The following MADD variants were observed in gnomAD, a reference collection of about 807,000 sequenced individuals.
MADD encodes the protein MAP kinase-activating death domain protein.
Under a neutral mutation model 176.7 loss-of-function variants are expected in MADD, and 109 were observed. The ratio of observed to expected loss-of-function variants is 0.62; its 90% CI spans 0.53 to 0.72. The LOEUF is 0.72. Ranked by LOEUF, MADD falls within the 30% of genes least tolerant of loss-of-function variation. The pLI is 0.00. For synonymous variants in MADD, 771 were observed against 771.3 expected (o/e 1.00, Z 0.01); for missense variants, 1,914 against 2,045.5 (o/e 0.94, Z 1.24).
chr11:47,323,830 A>G (rs763089388), exon 28 of MADD: 1 of 1,613,996 alleles, frequency 6.2e-7, no homozygotes, highest in South Asian at 1.1e-5. Flanking sequence ...GTTCTATACT[A>G]AAAAGGTACG....
chr11:47,317,649 C>T (rs1241363867), intron 27 of MADD, among the ~76,000 whole-genome samples: 2 of 152,194 alleles, frequency 1.3e-5, no homozygotes, highest in Non-Finnish European at 1.5e-5. Flanking sequence ...ATGGTTGTCC[C>T]TCTCTTACAC....
intron 31 of MADD, chr11:47,328,160 C>T: frequency 2.0e-6 from 2 of 1,020,576 alleles, no homozygotes; most frequent in Non-Finnish European, 2.4e-6. Context: ...GCCTCAAGAC[C>T]CTCTGTGTAG....
At chr11:47,272,705 AAAGCTTTTCC>A (rs2045828003) in intron 1 of MADD, among the ~76,000 whole-genome samples, 2 of 152,236 alleles carry the variant, frequency 1.3e-5, no homozygotes, top group Non-Finnish European at 2.9e-5. Context: ...TAAGACCATG[AAAGCTTTTCC>A]TAATTTTAGG....
intron 22 of MADD, among the ~76,000 whole-genome samples, chr11:47,302,288 A>G (rs1593834580): frequency 6.6e-6 from 1 of 152,062 alleles, no homozygotes; most frequent in Non-Finnish European, 1.5e-5. Flanking sequence ...ATCTCCGCTC[A>G]CTGCAACCTC....
exon 3 of MADD, chr11:47,274,574 G>A: frequency 6.2e-7 from 1 of 1,611,066 alleles, no homozygotes. Flanking sequence ...CACCCGAGCA[G>A]TGATAGCGTG....
intron 22 of MADD, among the ~76,000 whole-genome samples, chr11:47,306,666 C>T (rs1160163906): frequency 6.6e-6 from 1 of 151,992 alleles, no homozygotes; most frequent in Non-Finnish European, 1.5e-5. Flanking sequence ...CTGATATTGC[C>T]ATCTGTTCTC....
chr11:47,315,506 G>T (rs546064373), intron 27 of MADD, among the ~76,000 whole-genome samples, 179 bp downstream of exon 30: 1 of 152,064 alleles, frequency 6.6e-6, no homozygotes, highest in South Asian at 2.1e-4. Context: ...ATAGTGTCTC[G>T]CTCTGTCACC....
At chr11:47,314,047 C>T (rs184405289) in intron 26 of MADD, among the ~76,000 whole-genome samples, 32 of 151,958 alleles carry the variant, frequency 2.1e-4, no homozygotes, top group South Asian at 1.5e-3. Context: ...TGTGAGCCAC[C>T]GCGCCCAGCC....
chr11:47,284,555 G>A (rs2059283813), exon 12 of MADD: 6 of 1,613,768 alleles, frequency 3.7e-6, no homozygotes, highest in Non-Finnish European at 5.1e-6. Context: ...GTCATCCACG[G>A]AGCCAACTCT....
rs953278116 is a variant in MADD at position 47,324,297 on chromosome 11, C to G, written c.4395C>G (p.Ser1465Arg). 2.5e-6 allele frequency: 4 copies of G among 1,614,108 alleles called. No homozygotes were observed. The African/African-American group carries it at 4.0e-5, about 16-fold the overall frequency. Residue 1465 changes from serine (S) to arginine (R), a missense_variant, in exon 29 of 33, where the codon AGC becomes AGG. By Grantham distance (110) the Ser-to-Arg change is moderately radical. Transcript: ENST00000402192. ...AGCTGTACTACTGTGTGAAGGACAG[C>G]ATGGAGCGCGCTGCCGCCCGACAGC...
At chr11:47,314,948 T>C (rs989699189) in intron 26 of MADD, among the ~76,000 whole-genome samples, 1 of 152,182 alleles carries the variant, frequency 6.6e-6, no homozygotes, top group Non-Finnish European at 1.5e-5. Flanking sequence ...TAATTAATCA[T>C]TTGAGAAATT....
intron 22 of MADD, among the ~76,000 whole-genome samples, chr11:47,298,047 CA>C (rs558295870): frequency 3.3e-5 from 5 of 152,118 alleles, no homozygotes; most frequent in Admixed American, 6.6e-5. Context: ...CTCGGCCTCC[CA>C]AAATGCTGGG....
At chr11:47,321,059 G>T (rs760134893) in intron 27 of MADD, among the ~76,000 whole-genome samples, 1 of 151,956 alleles carries the variant, frequency 6.6e-6, no homozygotes, top group Non-Finnish European at 1.5e-5. Context: ...TTAAAATTTC[G>T]GTAGATTTTG....
chr11:47,329,359 C>A, exon 33 of MADD: 1 of 582,126 alleles, frequency 1.7e-6, no homozygotes, highest in Admixed American at 2.9e-5. Flanking sequence ...TCCCAGAAGA[C>A]CAAACTGCCT....
chr11:47,281,720 G>A, exon 8 of MADD: 3 of 1,612,306 alleles, frequency 1.9e-6, no homozygotes, highest in Non-Finnish European at 2.5e-6. Flanking sequence ...CTCATCTATG[G>A]CAATGATGTG....
At chr11:47,326,549 G>T in intron 30 of MADD, 1 of 1,381,184 alleles carries the variant, frequency 7.2e-7, no homozygotes, top group Non-Finnish European at 9.4e-7. Context: ...GCCAGGAGCG[G>T]AAGGTACATG....
At position 47,324,067 on chromosome 11, in the gene MADD, C is replaced by T. The variant is rs918954140; in HGVS notation, c.4363-198C>T. 22 of 644,160 alleles carry T rather than the reference C, an allele frequency of 3.4e-5. No individual in the cohort carries two copies. The African/African-American group carries it at 4.0e-4, about 12-fold the overall frequency. 39.9% of individuals were successfully genotyped at this position (644,160 alleles called of 1,614,324 possible). ...TCCTACACATCTGTACCCATGCCTT[C>T]TTTAAAGCCATACTATTCATATGCT... On this transcript the variant is annotated intron_variant, in intron 28 of 32. Coordinates refer to ENST00000402192, the Ensembl canonical transcript of MADD.
intron 22 of MADD, among the ~76,000 whole-genome samples, chr11:47,300,564 G>A (rs1274944437): frequency 1.3e-5 from 2 of 150,890 alleles, no homozygotes; most frequent in Non-Finnish European, 1.5e-5. Flanking sequence ...ATGGTGTGAT[G>A]TTGGCTCACT....
intron 20 of MADD, among the ~76,000 whole-genome samples, chr11:47,295,005 TTTTG>T (rs1409603651): frequency 8.1e-6 from 1 of 124,084 alleles, no homozygotes; most frequent in Non-Finnish European, 1.6e-5. Flanking sequence ...ACGCATTGTT[TTTTG>T]TTTTTTTGTT....
Sources: allele counts gnomAD v4.1 joint callset (sites outside exome capture counted in the v4.1 genomes callset), GRCh38; gene constraint gnomAD v4.1.1; transcripts MANE v1.5; gene names NCBI Gene and HGNC (gene_info 2026-07-23, HGNC 2026-07-21).